The following LRRC49 variants were observed in gnomAD, a reference collection of about 807,000 sequenced individuals.
The protein encoded by LRRC49 is leucine rich repeat containing 49, also known as leucine-rich repeat-containing protein 49.
A neutral mutation model predicts 83.3 loss-of-function variants in LRRC49; 50 were observed. The ratio of observed to expected loss-of-function variants is 0.60; its 90% CI spans 0.48 to 0.76. The LOEUF is 0.76. Ranked by LOEUF, LRRC49 falls within the 30% of genes least tolerant of loss-of-function variation. LRRC49 has a pLI of 0.00. For synonymous variants in LRRC49, 286 were observed against 283.3 expected (o/e 1.01, Z -0.10); for missense variants, 704 against 809.1 (o/e 0.87, Z 1.58).
rs1430275417 is a variant in LRRC49 at position 71,050,617 on chromosome 15, C to A, written c.*1005C>A. The A allele has an allele frequency of 6.6e-6, 1 of 152,016 alleles. No homozygotes were observed. The highest frequency in any genetic ancestry group is 1.5e-5 in the Non-Finnish European group (1 of 68,022). The allele number at this position is 152,016 out of a possible 1,614,324, so 9.4% of individuals were successfully genotyped here. A position where few individuals can be genotyped will look rare whatever the true frequency, so the allele number is the denominator to read the frequency against. ...CTAGCAGCTATTATGTCAGCAGGACCACCAGGATATGGGAAAACAGGACTA... is the reference window on the plus strand; with the variant it reads ...CTAGCAGCTATTATGTCAGCAGGACAACCAGGATATGGGAAAACAGGACTA... On this transcript the variant is annotated 3_prime_UTR_variant, in exon 16 of 16. Coordinates refer to ENST00000260382, the MANE Select transcript of LRRC49 (RefSeq NM_017691.5).
intron 8 of LRRC49, among the ~76,000 whole-genome samples, chr15:70,939,860 T>C (rs1351263045): frequency 1.3e-5 from 2 of 151,318 alleles, no homozygotes; most frequent in African/African-American, 4.9e-5. Flanking sequence ...TTTTTTTTTT[T>C]TTTTTTTTAG....
At chr15:70,995,916 G>A (rs969726804) in intron 11 of LRRC49, among the ~76,000 whole-genome samples, 4 of 152,158 alleles carry the variant, frequency 2.6e-5, no homozygotes, top group Non-Finnish European at 5.9e-5. Context: ...TAGCTTTTAA[G>A]AAGGGAGCAT....
chr15:70,975,323 T>C (rs1201357305), intron 9 of LRRC49, among the ~76,000 whole-genome samples: 2 of 152,180 alleles, frequency 1.3e-5, no homozygotes, highest in African/African-American at 4.8e-5. Context: ...GACCCTTATA[T>C]AGAAAATTCT....
At chr15:71,011,356 G>T (rs2038645193) in intron 13 of LRRC49, among the ~76,000 whole-genome samples, 1 of 151,990 alleles carries the variant, frequency 6.6e-6, no homozygotes, top group African/African-American at 2.4e-5. Context: ...TATTTACCCA[G>T]ATATGGATTA....
chr15:70,972,788 C>T (rs1234498536), intron 9 of LRRC49, among the ~76,000 whole-genome samples: 1 of 152,008 alleles, frequency 6.6e-6, no homozygotes, highest in Non-Finnish European at 1.5e-5. Flanking sequence ...GCTATTGATA[C>T]TTGTGTACGC....
At chr15:71,019,713 A>G (rs945820214) in intron 14 of LRRC49, among the ~76,000 whole-genome samples, 1 of 152,258 alleles carries the variant, frequency 6.6e-6, no homozygotes, top group African/African-American at 2.4e-5. Flanking sequence ...GCAAATGTAA[A>G]CAAAAAGCAG....
At position 70,904,692 on chromosome 15, in the gene LRRC49, T is replaced by C; in HGVS notation, c.437T>C (p.Ile146Thr). The change falls in exon 5 of 16, where the codon ATT becomes ACT. Residue 146 changes from isoleucine to threonine, a missense_variant. Transcript: ENST00000260382. The part of the protein sequence containing the change: ...LISLDLYDNQ[I>T]EEISGLSTLR... ...TCGTTGGATTTATATGATAACCAGA[T>C]TGAAGAAATTAGTGGGCTTTCGACT... 6.2e-7 allele frequency: 1 copy of C among 1,613,740 alleles called. No homozygotes were observed. Among genetic ancestry groups the C allele is most frequent in the Non-Finnish European group, 8.5e-7 (1 of 1,179,676 alleles).
rs370907249 is a variant in LRRC49, at chr15:70,924,856, A to G, written c.711+5663A>G. 2.0e-4 allele frequency among the ~76,000 whole-genome samples: 30 copies of G among 152,070 alleles called. No individual in the cohort carries two copies. The East Asian group carries it at 2.5e-3, about 13-fold the overall frequency. ...CTTGACTGACAGTTATTTTTTTCCC[A>G]GACGTTTGAATATCATATTCCATTG... On this transcript the variant is annotated intron_variant, in intron 7 of 15. Coordinates refer to ENST00000260382, the MANE Select transcript of LRRC49 (RefSeq NM_017691.5).
chr15:71,026,631 C>T (rs563719753), intron 14 of LRRC49, among the ~76,000 whole-genome samples: 14 of 152,244 alleles, frequency 9.2e-5, no homozygotes, highest in African/African-American at 1.9e-4. Context: ...TTTTAATAAT[C>T]GCCATTCTAA....
chr15:70,913,324 T>C (rs906302125), intron 6 of LRRC49, among the ~76,000 whole-genome samples: 2 of 152,160 alleles, frequency 1.3e-5, no homozygotes, highest in Non-Finnish European at 1.5e-5. Context: ...CCTTGATAGA[T>C]TTAATAGGCC....
intron 11 of LRRC49, among the ~76,000 whole-genome samples, chr15:71,007,192 A>T (rs12902536): frequency 0.012 from 1,822 of 152,130 alleles, 17 homozygotes; most frequent in Middle Eastern, 0.024. Flanking sequence ...GATAAACAAC[A>T]GGGCAGCGCT....
rs2141319209 is a variant in LRRC49, at chr15:71,050,885, G to C, written c.*1273G>C. ...GACAGAGTCTTGCTCTGTCACCCAG[G>C]CTGGAGTGCAGTGGCGCGATCTCGG... On this transcript the variant is annotated 3_prime_UTR_variant, in exon 16 of 16. Coordinates refer to ENST00000260382, the MANE Select transcript of LRRC49 (RefSeq NM_017691.5). 1 of 152,396 alleles carries C rather than the reference G, an allele frequency of 6.6e-6. No homozygotes were observed. Among genetic ancestry groups the C allele is most frequent in the East Asian group, 1.9e-4 (1 of 5,182 alleles). 9.4% of individuals were successfully genotyped at this position (152,396 alleles called of 1,614,324 possible).
chr15:70,982,336 T>G (rs182963563), intron 10 of LRRC49, among the ~76,000 whole-genome samples: 1 of 152,170 alleles, frequency 6.6e-6, no homozygotes, highest in Non-Finnish European at 1.5e-5. Context: ...GCCTTGATAC[T>G]GAGTAAAAAA....
intron 11 of LRRC49, among the ~76,000 whole-genome samples, chr15:70,986,398 T>C (rs1207700571): frequency 4.6e-5 from 7 of 150,588 alleles, no homozygotes; most frequent in East Asian, 3.9e-4. Context: ...TTGAAGCAAT[T>C]GTGAATGGGA....
intron 11 of LRRC49, among the ~76,000 whole-genome samples, chr15:70,988,973 C>T (rs906421499): frequency 6.6e-6 from 1 of 152,200 alleles, no homozygotes; most frequent in Admixed American, 6.5e-5. Flanking sequence ...CCCCCACTCT[C>T]TTCTGGCTTG....
intron 1 of LRRC49, among the ~76,000 whole-genome samples, chr15:70,870,075 C>T (rs2032995114): frequency 1.3e-5 from 2 of 152,192 alleles, no homozygotes. Flanking sequence ...TGGTTTCTTT[C>T]AGTTTGGTAC....
chr15:70,938,760 C>T (rs1331641757), intron 8 of LRRC49, among the ~76,000 whole-genome samples: 1 of 152,116 alleles, frequency 6.6e-6, no homozygotes, highest in African/African-American at 2.4e-5. Flanking sequence ...GACCTATCTT[C>T]CATGGACTCT....
intron 2 of LRRC49, among the ~76,000 whole-genome samples, chr15:70,887,114 G>A (rs1595982112): frequency 6.6e-6 from 1 of 151,960 alleles, no homozygotes; most frequent in Admixed American, 6.5e-5. Context: ...TTATAACAAA[G>A]AAATTGAATC....
rs184128437 is a variant in LRRC49, at chr15:70,914,601, T to G, written c.567+3003T>G. ...GCAGATTGGATAAATATTTAAAAAG[T>G]AGAAACATCAAGACTTAGCAATTAA... is the stretch of plus-strand genomic sequence containing the variant. On this transcript the variant is annotated intron_variant, in intron 6 of 15. Transcript: ENST00000260382. Among the ~76,000 whole-genome samples, 439 of 152,282 alleles carry G rather than the reference T, an allele frequency of 2.9e-3. 3 individuals carry two copies. Among genetic ancestry groups the G allele is most frequent in the Admixed American group, 7.4e-3 (113 of 15,288 alleles).
Sources: allele counts gnomAD v4.1 joint callset (sites outside exome capture counted in the v4.1 genomes callset), GRCh38; gene constraint gnomAD v4.1.1; transcripts MANE v1.5; gene names NCBI Gene and HGNC (gene_info 2026-07-23, HGNC 2026-07-21).